The following L3MBTL3 variants were observed in gnomAD, a reference collection of about 807,000 sequenced individuals.
L3MBTL3 encodes the protein lethal(3)malignant brain tumor-like protein 3.
In L3MBTL3, 27 loss-of-function variants were observed where a neutral mutation model predicts 102.3. The ratio of observed to expected loss-of-function variants is 0.26; its 90% CI spans 0.19 to 0.36. The LOEUF is 0.36. Among genes scored for constraint, L3MBTL3 ranks in the 10% least tolerant of loss-of-function variants. The pLI, the probability that L3MBTL3 is intolerant of heterozygous loss-of-function variation, is 1.00. For missense variants in L3MBTL3, 798 were observed against 955.3 expected (o/e 0.84, Z 2.17); for synonymous variants, 340 against 320.9 (o/e 1.06, Z -0.64).
intron 13 of L3MBTL3, among the ~76,000 whole-genome samples, chr6:130,073,067 GTTC>G (rs1372565900): frequency 1.3e-5 from 2 of 151,978 alleles, no homozygotes; most frequent in Non-Finnish European, 2.9e-5. Context: ...TATTTACTGT[GTTC>G]TTCTGTTCCT....
intron 4 of L3MBTL3, 35 bp from the exon 5 acceptor site, chr6:130,049,721 C>T (rs763115749): frequency 1.2e-6 from 2 of 1,613,448 alleles, no homozygotes; most frequent in East Asian, 2.2e-5. Flanking sequence ...TAACTAACAC[C>T]TATATGCTGA....
chr6:130,077,480 C>A lies in L3MBTL3; in HGVS notation c.1245-1078C>A, dbSNP rs569982753. Among the ~76,000 whole-genome samples, 23 of 151,924 alleles carry A rather than the reference C, an allele frequency of 1.5e-4. No homozygotes were observed. In the South Asian group the frequency reaches 3.7e-3, roughly 25 times the overall value. On this transcript the variant is annotated intron_variant, in intron 13 of 22. Coordinates refer to ENST00000361794, the MANE Select transcript of L3MBTL3 (RefSeq NM_032438.4). The stretch of plus-strand genomic sequence containing the variant: ...GATAACAACTGAATAAAGGAAGAAG[C>A]CTTTAAGTAATAAGGAAAAGATATT...
chr6:130,066,583 A>G, intron 11 of L3MBTL3, 95 bp downstream of exon 11: 1 of 1,097,166 alleles, frequency 9.1e-7, no homozygotes, highest in Non-Finnish European at 1.3e-6. Flanking sequence ...CTTTATGAAA[A>G]TTCAGATAGG....
chr6:130,036,746 A>G (rs759692137), intron 2 of L3MBTL3, among the ~76,000 whole-genome samples: 4 of 152,234 alleles, frequency 2.6e-5, no homozygotes, highest in Non-Finnish European at 5.9e-5. Flanking sequence ...GTACTTTATC[A>G]GATACATGTT....
intron 10 of L3MBTL3, among the ~76,000 whole-genome samples, chr6:130,065,867 C>T (rs914988004): frequency 3.9e-5 from 6 of 152,106 alleles, no homozygotes; most frequent in Admixed American, 6.5e-5. Context: ...CTAGGAGAGA[C>T]GCTTTTCTTT....
intron 2 of L3MBTL3, among the ~76,000 whole-genome samples, chr6:130,022,562 T>G (rs149071186): frequency 5.7e-4 from 87 of 152,350 alleles, no homozygotes; most frequent in African/African-American, 2.1e-3. Flanking sequence ...TAGCACCTGT[T>G]TTCTACTGAA....
intron 2 of L3MBTL3, among the ~76,000 whole-genome samples, chr6:130,032,376 G>C (rs563338044): frequency 1.1e-4 from 16 of 152,278 alleles, no homozygotes; most frequent in Non-Finnish European, 2.1e-4. Flanking sequence ...TTGAGCCCAG[G>C]TGGTTGAGGC....
intron 3 of L3MBTL3, among the ~76,000 whole-genome samples, chr6:130,043,388 C>G (rs752631199): frequency 6.6e-6 from 1 of 152,176 alleles, no homozygotes; most frequent in African/African-American, 2.4e-5. Context: ...CTTCAGTCTG[C>G]TGCTTTTGTA....
intron 2 of L3MBTL3, among the ~76,000 whole-genome samples, chr6:130,042,158 TA>T (rs1323948642): frequency 6.6e-6 from 1 of 152,198 alleles, no homozygotes; most frequent in Non-Finnish European, 1.5e-5. Flanking sequence ...CCAATTTTTT[TA>T]AAAAATGAAA....
At chr6:130,027,516 G>A (rs1779428290) in intron 2 of L3MBTL3, among the ~76,000 whole-genome samples, 1 of 152,134 alleles carries the variant, frequency 6.6e-6, no homozygotes, top group African/African-American at 2.4e-5. Context: ...GTATTGGTTT[G>A]TGGTCTAATT....
chr6:130,113,019 C>T (rs913471798), intron 19 of L3MBTL3, among the ~76,000 whole-genome samples: 4 of 152,188 alleles, frequency 2.6e-5, no homozygotes, highest in African/African-American at 9.7e-5. Context: ...GGCATGGGCT[C>T]TACCAGTGAG....
intron 16 of L3MBTL3, among the ~76,000 whole-genome samples, chr6:130,087,819 A>G (rs575145062): frequency 1.3e-5 from 2 of 152,210 alleles, no homozygotes; most frequent in Admixed American, 1.3e-4. Flanking sequence ...TCAGGTTTAC[A>G]TTATGTTATG....
chr6:130,093,725 G>A (rs1784192855), intron 17 of L3MBTL3, among the ~76,000 whole-genome samples: 1 of 152,196 alleles, frequency 6.6e-6, no homozygotes, highest in Admixed American at 6.5e-5. Context: ...TGCCTTTTAT[G>A]TGGCAAAATC....
chr6:130,104,441 C>T lies in L3MBTL3; in HGVS notation c.1752C>T (p.Pro584=). The T allele has an allele frequency of 6.4e-7, 1 of 1,563,444 alleles. No homozygotes were observed. Among genetic ancestry groups the T allele is most frequent in the Non-Finnish European group, 8.6e-7 (1 of 1,157,618 alleles). Residue 584 remains proline (P), a synonymous_variant, in exon 19 of 23, where the codon CCC becomes CCT. Coordinates refer to ENST00000361794, the MANE Select transcript of L3MBTL3 (RefSeq NM_032438.4). Reference sequence around the variant, plus strand: ...AATCTGTTAGTGCTGCCAACTGTCCCTATTCAGAAATCAATTTGAATAAAG... The same window carrying T: ...AATCTGTTAGTGCTGCCAACTGTCCTTATTCAGAAATCAATTTGAATAAAG... ...HLGPHSAANC[P]YSEINLNKDR... is the part of the protein sequence containing the mutation.
At chr6:130,116,609 C>T (rs574132396) in intron 19 of L3MBTL3, among the ~76,000 whole-genome samples, 11 of 151,920 alleles carry the variant, frequency 7.2e-5, no homozygotes, top group African/African-American at 2.7e-4. Context: ...AAAAATTAGC[C>T]AGGCATGGTA....
At position 130,078,623 on chromosome 6, in the gene L3MBTL3, T is replaced by C. The variant is rs751394269; in HGVS notation, c.1310T>C (p.Ile437Thr). ...GWCKEHRRTL[I>T]TPPGYPNVKH... ...TGTAAGGAACATAGAAGAACCCTTA[T>C]TACTCCACCAGGTGTGTGTTTTTTT... is the stretch of plus-strand genomic sequence containing the variant. The change falls in exon 14 of 23, where the codon ATT becomes ACT. Residue 437 changes from isoleucine (I) to threonine (T), a missense_variant. By Grantham distance (89) the Ile-to-Thr change is moderately conservative. Transcript: ENST00000361794. 3.1e-6 allele frequency: 5 copies of C among 1,604,318 alleles called. No individual in the cohort carries two copies. Among genetic ancestry groups the C allele is most frequent in the South Asian group, 2.2e-5 (2 of 90,678 alleles).
At chr6:130,031,448 G>A (rs769305875) in intron 2 of L3MBTL3, among the ~76,000 whole-genome samples, 13 of 152,218 alleles carry the variant, frequency 8.5e-5, no homozygotes, top group Non-Finnish European at 1.3e-4. Flanking sequence ...GGAAACTTTG[G>A]CTGGGACAGC....
intron 16 of L3MBTL3, among the ~76,000 whole-genome samples, chr6:130,087,360 A>C (rs1322393338): frequency 6.6e-6 from 1 of 152,186 alleles, no homozygotes; most frequent in East Asian, 1.9e-4. Context: ...AATGTAAGTC[A>C]TAAAGCAATC....
intron 20 of L3MBTL3, among the ~76,000 whole-genome samples, chr6:130,128,352 G>A (rs1582636044): frequency 6.6e-6 from 1 of 152,092 alleles, no homozygotes; most frequent in Non-Finnish European, 1.5e-5. Flanking sequence ...TTATCTTGCT[G>A]CTCTGCCTTG....
Sources: allele counts gnomAD v4.1 joint callset (sites outside exome capture counted in the v4.1 genomes callset), GRCh38; gene constraint gnomAD v4.1.1; transcripts MANE v1.5; gene names NCBI Gene and HGNC (gene_info 2026-07-23, HGNC 2026-07-21).